The following ITGA6 variants were observed in gnomAD, a reference collection of about 807,000 sequenced individuals.
The protein encoded by ITGA6 is integrin alpha-6.
A neutral mutation model predicts 133.6 loss-of-function variants in ITGA6; 63 were observed. The observed-to-expected ratio is 0.47, with a 90% CI of 0.38 to 0.58. The LOEUF (loss-of-function observed/expected upper bound fraction) is 0.58. ITGA6 is among the 20% of genes least tolerant of loss of function. ITGA6 has a pLI of 0.00. For synonymous variants in ITGA6, 434 were observed against 482.0 expected, an observed-to-expected ratio of 0.90 and a Z score of 1.30; for missense variants, 1,068 against 1,309.4, an observed-to-expected ratio of 0.82 and a Z score of 2.85.
intron 23 of ITGA6, among the ~76,000 whole-genome samples, chr2:172,496,531 C>A (rs530063339): frequency 6.6e-6 from 1 of 152,090 alleles, no homozygotes; most frequent in Non-Finnish European, 1.5e-5. Flanking sequence ...AGAAAAACAC[C>A]ACCGCATAGA....
In ITGA6 at chr2:172,487,436, G is replaced by T; in HGVS notation, c.2143G>T (p.Glu715Ter). ...CACTTTAACCTATTCTGCATATAGA[G>T]AACTGAGGGCTTTCCCTGTAAGTAT... ...PDTLTYSAYR[E>*]LRAFPEKQLS... Residue 715 changes from glutamate (E) to a stop codon, truncating the protein, a stop_gained, in exon 15 of 26, where the codon GAA becomes TAA. Transcript: ENST00000684293. LOFTEE classifies it high-confidence loss of function. 6.2e-7 allele frequency: 1 copy of T among 1,614,096 alleles called. No homozygotes were observed. Among genetic ancestry groups the T allele is most frequent in the Non-Finnish European group, 8.5e-7 (1 of 1,179,958 alleles).
chr2:172,472,863 C>T, intron 5 of ITGA6: 1 of 1,608,888 alleles, frequency 6.2e-7, no homozygotes, highest in East Asian at 2.2e-5. Context: ...TGACACATTC[C>T]CTGATGTGAT....
chr2:172,490,578 C>T (rs114008131), intron 20 of ITGA6, among the ~76,000 whole-genome samples: 6 of 152,338 alleles, frequency 3.9e-5, no homozygotes, highest in Non-Finnish European at 8.8e-5. Context: ...TTTCATTGCT[C>T]TGCTCTGAAT....
chr2:172,485,218 T>C lies in ITGA6; in HGVS notation c.1808T>C (p.Val603Ala). Residue 603 changes from valine (V) to alanine (A), a missense_variant, in exon 13 of 26, where the codon GTT becomes GCT. Physicochemically the swap from Val to Ala is moderately conservative, Grantham distance 64. Transcript: ENST00000684293. The stretch of plus-strand genomic sequence containing the variant: ...AGGCGAGTGAATTCACTTCCAGAAG[T>C]TCTTCCAATTCTGAATTCAGATGAA... Reference protein sequence around the residue: ...SRRRVNSLPEVLPILNSDEPK... With the variant: ...SRRRVNSLPEALPILNSDEPK... The C allele has an allele frequency of 6.2e-7, 1 of 1,614,104 alleles. No homozygotes were observed. The highest frequency in any genetic ancestry group is 1.3e-5 in the African/African-American group (1 of 75,058).
chr2:172,476,058 C>A (rs1686161290), intron 8 of ITGA6, among the ~76,000 whole-genome samples: 1 of 151,868 alleles, frequency 6.6e-6, no homozygotes, highest in Admixed American at 6.6e-5. Context: ...AATGTAGACA[C>A]CAAAAATTAA....
Position 172,504,647 on chromosome 2 carries a change from G to A in ITGA6, c.*579G>A, listed in dbSNP as rs1158851244. On this transcript the variant is annotated 3_prime_UTR_variant, in exon 26 of 26. Coordinates refer to ENST00000684293, the MANE Select transcript of ITGA6 (RefSeq NM_000210.4). ...TGGCCGTCCTAACCTCGGGCCTGCTGCGCAGACGTCCATCACGTTAGCTGT... is the reference window on the plus strand; with the variant it reads ...TGGCCGTCCTAACCTCGGGCCTGCTACGCAGACGTCCATCACGTTAGCTGT... 1 of 158,062 alleles carries A rather than the reference G, an allele frequency of 6.3e-6. No individual in the cohort carries two copies. Among genetic ancestry groups the A allele is most frequent in the Non-Finnish European group, 1.4e-5 (1 of 71,682 alleles). The allele number at this position is 158,062 out of a possible 1,614,324, so 9.8% of individuals were successfully genotyped here. A position where few individuals can be genotyped will look rare whatever the true frequency, so the allele number is the denominator to read the frequency against.
intron 13 of ITGA6, among the ~76,000 whole-genome samples, chr2:172,485,754 T>A (rs547934077): frequency 6.6e-6 from 1 of 152,312 alleles, no homozygotes; most frequent in East Asian, 1.9e-4. Context: ...AAAATGTGTA[T>A]TAGATGGCCT....
At chr2:172,445,362 A>G (rs1004980783) in intron 1 of ITGA6, among the ~76,000 whole-genome samples, 1 of 149,612 alleles carries the variant, frequency 6.7e-6, no homozygotes, top group Non-Finnish European at 1.5e-5. Context: ...AACAAAAAAA[A>G]AAAAAGGCCG....
At chr2:172,444,890 C>A (rs13410475) in intron 1 of ITGA6, among the ~76,000 whole-genome samples, 10,238 of 152,096 alleles carry the variant, frequency 0.067, 453 homozygotes, top group East Asian at 0.26. Context: ...CCTAAATATT[C>A]TTAAATCTGT....
chr2:172,473,916 C>A, intron 5 of ITGA6, 139 bp from the exon 6 acceptor site: 1 of 628,582 alleles, frequency 1.6e-6, no homozygotes, highest in Admixed American at 2.7e-5. Flanking sequence ...ACTCATATTA[C>A]GAATGTGATA....
At chr2:172,427,496 C>G (rs1471959337), upstream of ITGA6, 3 of 1,018,386 alleles carry the variant, frequency 2.9e-6, no homozygotes, top group East Asian at 6.8e-5. Flanking sequence ...TGCGCCGGGC[C>G]GCGGGCGCGC....
chr2:172,434,472 T>C (rs1217174740), intron 1 of ITGA6, among the ~76,000 whole-genome samples: 1 of 152,152 alleles, frequency 6.6e-6, no homozygotes, highest in Non-Finnish European at 1.5e-5. Flanking sequence ...AGAAGACTGT[T>C]CTCAGGCCGC....
chr2:172,500,112 T>C (rs1461525211), intron 24 of ITGA6, among the ~76,000 whole-genome samples: 1 of 152,162 alleles, frequency 6.6e-6, no homozygotes, highest in Non-Finnish European at 1.5e-5. Flanking sequence ...GGCCCTTAAA[T>C]TGGATTTTGT....
At chr2:172,461,404 C>T (rs1389824628) in intron 1 of ITGA6, among the ~76,000 whole-genome samples, 1 of 152,174 alleles carries the variant, frequency 6.6e-6, no homozygotes, top group Non-Finnish European at 1.5e-5. Context: ...AGTTCACACC[C>T]AGATTCTTGC....
chr2:172,452,297 G>C (rs1189839798), intron 1 of ITGA6, among the ~76,000 whole-genome samples: 6 of 152,154 alleles, frequency 3.9e-5, no homozygotes, highest in African/African-American at 1.4e-4. Flanking sequence ...ATGAGATCAA[G>C]GTGGGCTTCC....
At chr2:172,441,029 T>C (rs540981345) in intron 1 of ITGA6, among the ~76,000 whole-genome samples, 17 of 151,590 alleles carry the variant, frequency 1.1e-4, no homozygotes, top group African/African-American at 4.1e-4. Context: ...TTGCAAATAC[T>C]TTCCTTGTTC....
intron 20 of ITGA6, chr2:172,490,677 CAG>C (rs1218880118): frequency 6.9e-6 from 2 of 291,178 alleles, no homozygotes; most frequent in African/African-American, 4.5e-5. Context: ...GTTTTAGGAA[CAG>C]AGCTGGAGGC....
rs761372308 is a variant in ITGA6, at chr2:172,427,923, C to T, written c.135C>T (p.Gly45=). The T allele has an allele frequency of 1.2e-5, 19 of 1,607,148 alleles. No homozygotes were observed. The highest frequency in any genetic ancestry group is 1.6e-4 in the Middle Eastern group (1 of 6,068). ...RKYGDPGSLF[G]FSLAMHWQLQ... ...ATGGAGACCCCGGGAGCCTCTTCGG[C>T]TTCTCGCTGGCCATGCACTGGCAAC... Residue 45 remains glycine (G), a synonymous_variant, in exon 1 of 26, where the codon GGC becomes GGT. Coordinates refer to ENST00000684293, the MANE Select transcript of ITGA6 (RefSeq NM_000210.4).
In ITGA6 at chr2:172,491,024, G is replaced by T; in HGVS notation, c.2680G>T (p.Glu894Ter). ...QKEINSLNLT[E>*]SHNSRKKREI... Reference sequence around the variant, plus strand: ...CTATTTTGGATATAATTTTTTTCAGGAGTCTCACAACTCAAGAAAGAAACG... The same window carrying T: ...CTATTTTGGATATAATTTTTTTCAGTAGTCTCACAACTCAAGAAAGAAACG... The change falls in exon 21 of 26, where the codon GAG (glutamate) becomes TAG (stop). Residue 894 changes from glutamate to a stop codon, truncating the protein, a stop_gained and splice_region_variant. Coordinates refer to ENST00000684293, the MANE Select transcript of ITGA6 (RefSeq NM_000210.4). LOFTEE classifies it high-confidence loss of function. The surrounding 1 kb of genome is among the most constrained non-coding windows in gnomAD (Gnocchi z 4.4). 1 of 1,482,050 alleles carries T rather than the reference G, an allele frequency of 6.7e-7. No individual in the cohort carries two copies. The highest frequency in any genetic ancestry group is 1.1e-5 in the South Asian group (1 of 88,216). 91.8% of individuals were successfully genotyped at this position (1,482,050 alleles called of 1,614,324 possible).
Sources: allele counts gnomAD v4.1 joint callset (sites outside exome capture counted in the v4.1 genomes callset), GRCh38; gene constraint gnomAD v4.1.1; non-coding constraint Gnocchi (gnomAD v3.1); transcripts MANE v1.5; gene names NCBI Gene and HGNC (gene_info 2026-07-23, HGNC 2026-07-21).